The following PLCB4 variants were observed in gnomAD, a reference collection of about 807,000 sequenced individuals.
The protein encoded by PLCB4 is phospholipase C beta 4.
Under a neutral mutation model 178.8 loss-of-function variants are expected in PLCB4, and 77 were observed. The observed-to-expected ratio is 0.43, with a 90% CI of 0.36 to 0.52. PLCB4 has a LOEUF of 0.52. Among genes scored for constraint, PLCB4 ranks in the 20% least tolerant of loss-of-function variants. PLCB4 has a pLI of 0.00. For missense variants in PLCB4, 1,024 were observed against 1,453.4 expected (o/e 0.70, Z 4.80); for synonymous variants, 496 against 490.8 (o/e 1.01, Z -0.14).
chr20:9,279,663 T>A (rs2094477440), intron 3 of PLCB4, among the ~76,000 whole-genome samples: 2 of 152,156 alleles, frequency 1.3e-5, no homozygotes, highest in South Asian at 4.2e-4. Context: ...TTGAAGATTA[T>A]TTTTTAAATC....
chr20:9,191,060 G>A (rs890847463), intron 2 of PLCB4, among the ~76,000 whole-genome samples: 4 of 152,184 alleles, frequency 2.6e-5, no homozygotes, highest in Non-Finnish European at 5.9e-5. Context: ...TTCATGAAAT[G>A]CAGTTCTGCT....
chr20:9,075,517 G>T (rs1031087710), intron 1 of PLCB4, among the ~76,000 whole-genome samples: 9 of 152,216 alleles, frequency 5.9e-5, no homozygotes, highest in Admixed American at 2.0e-4. Flanking sequence ...TGGAAGGCCG[G>T]TTTTTACCTG....
chr20:9,253,420 G>A lies in PLCB4; in HGVS notation c.-16+35968G>A, dbSNP rs6108274. 5.0e-3 allele frequency among the ~76,000 whole-genome samples: 768 copies of A among 152,246 alleles called. 7 individuals carry two copies. The highest frequency in any genetic ancestry group is 0.018 in the African/African-American group (735 of 41,552). ...CAAGGTAGGGCTCCTGCTCTGTGCTGATACCTACTCAGACCCAATCTGGAA... is the reference window on the plus strand; with the variant it reads ...CAAGGTAGGGCTCCTGCTCTGTGCTAATACCTACTCAGACCCAATCTGGAA... On this transcript the variant is annotated intron_variant, in intron 3 of 39. Coordinates refer to ENST00000378473, the MANE Select transcript of PLCB4 (RefSeq NM_001377142.1).
At chr20:9,105,543 G>T (rs967195099) in intron 2 of PLCB4, among the ~76,000 whole-genome samples, 2 of 151,976 alleles carry the variant, frequency 1.3e-5, no homozygotes, top group African/African-American at 4.8e-5. Context: ...CTTATGAGGG[G>T]CACTTGGCAT....
At chr20:9,242,680 G>A (rs996646159) in intron 3 of PLCB4, among the ~76,000 whole-genome samples, 1 of 152,178 alleles carries the variant, frequency 6.6e-6, no homozygotes, top group Non-Finnish European at 1.5e-5. Context: ...GATTGGAGGT[G>A]CCTCTTTCTT....
chr20:9,387,546 T>C lies in PLCB4; in HGVS notation c.1148T>C (p.Ile383Thr). The C allele has an allele frequency of 6.6e-7, 1 of 1,522,784 alleles. No individual in the cohort carries two copies. The highest frequency in any genetic ancestry group is 9.0e-7 in the Non-Finnish European group (1 of 1,106,756). The allele number at this position is 1,522,784 out of a possible 1,614,324, so 94.3% of individuals were successfully genotyped here. ...ITHGKAMCTDILFKDVIQAIK... is the reference protein window; with the variant it reads ...ITHGKAMCTDTLFKDVIQAIK... ...CATGGAAAAGCAATGTGTACAGATA[T>C]CCTTTTTAAGGTAACTTTAAAAATA... is the stretch of plus-strand genomic sequence containing the variant. Residue 383 changes from isoleucine (I) to threonine (T), a missense_variant, in exon 15 of 40, where the codon ATC (isoleucine) becomes ACC (threonine). Transcript: ENST00000378473.
intron 14 of PLCB4, among the ~76,000 whole-genome samples, 158 bp downstream of exon 14, chr20:9,384,569 GA>G (rs138217805): frequency 0.011 from 1,694 of 152,238 alleles, 33 homozygotes; most frequent in African/African-American, 0.039. Flanking sequence ...AGAAAAGAAG[GA>G]CAGTATCTCT....
intron 7 of PLCB4, among the ~76,000 whole-genome samples, chr20:9,353,996 A>G (rs1345119877): frequency 6.6e-6 from 1 of 152,210 alleles, no homozygotes; most frequent in Non-Finnish European, 1.5e-5. Context: ...GACCAGAACT[A>G]TCTCAAGCAG....
chr20:9,344,225 G>A (rs919289427), intron 7 of PLCB4, among the ~76,000 whole-genome samples: 1 of 151,974 alleles, frequency 6.6e-6, no homozygotes, highest in Admixed American at 6.6e-5. Context: ...CCTTCTGTCT[G>A]TATCGTGCTC....
chr20:9,201,836 C>T (rs2093550800), intron 2 of PLCB4, among the ~76,000 whole-genome samples: 2 of 152,128 alleles, frequency 1.3e-5, no homozygotes, highest in Non-Finnish European at 2.9e-5. Flanking sequence ...CAGTTTCTTA[C>T]AGTGTTAAAC....
At position 9,423,957 on chromosome 20, in the gene PLCB4, G is replaced by T; in HGVS notation, c.2524+5G>T. 6.4e-7 allele frequency: 1 copy of T among 1,572,350 alleles called. No homozygotes were observed. Among genetic ancestry groups the T allele is most frequent in the Non-Finnish European group, 8.7e-7 (1 of 1,144,314 alleles). ...ATGTGCCTGATGGATTTGGAGGTAA[G>T]ATAAACATTTGGGTACGGAATATGA... On this transcript the variant is annotated splice_donor_5th_base_variant and intron_variant, in intron 28 of 39. Transcript: ENST00000378473.
chr20:9,283,770 G>C (rs2094514423), intron 3 of PLCB4, among the ~76,000 whole-genome samples: 1 of 151,946 alleles, frequency 6.6e-6, no homozygotes, highest in African/African-American at 2.4e-5. Context: ...CAGGGACACA[G>C]TGAAATAATA....
At chr20:9,387,391 G>A in intron 14 of PLCB4, 72 bp from the exon 15 acceptor site, 1 of 739,318 alleles carries the variant, frequency 1.4e-6, no homozygotes, top group Non-Finnish European at 2.3e-6. Flanking sequence ...TTATTTTGAT[G>A]TCTTTCTTTT....
At chr20:9,436,929 A>G in intron 29 of PLCB4, 73 bp from the exon 30 acceptor site, 1 of 1,414,970 alleles carries the variant, frequency 7.1e-7, no homozygotes, top group Non-Finnish European at 9.8e-7. Context: ...TGGATTCAGT[A>G]AAATAAAGAA....
rs140773788 is a variant in PLCB4 at position 9,395,536 on chromosome 20, T to C, written c.1428T>C (p.Ala476=). 303 of 1,613,498 alleles carry C rather than the reference T, an allele frequency of 1.9e-4. 2 individuals are homozygous for C. In the African/African-American group the frequency reaches 3.8e-3, roughly 20 times the overall value. ...KPEVEKKQLE[A]LRSMMEAGES... ...TTTTGCTAACAGAACAGCTGGAAGCTTTGAGAAGCATGATGGAAGCTGGAG... is the reference window on the plus strand; with the variant it reads ...TTTTGCTAACAGAACAGCTGGAAGCCTTGAGAAGCATGATGGAAGCTGGAG... Residue 476 remains alanine (A), a synonymous_variant, in exon 19 of 40, where the codon GCT becomes GCC. Coordinates refer to ENST00000378473, the MANE Select transcript of PLCB4 (RefSeq NM_001377142.1).
chr20:9,444,309 A>T, intron 32 of PLCB4, 66 bp downstream of exon 32: 1 of 936,862 alleles, frequency 1.1e-6, no homozygotes, highest in South Asian at 1.4e-5. Flanking sequence ...CAAAAACACT[A>T]CTTTGAAGCT....
rs1460144224 is a variant in PLCB4, at chr20:9,466,595, C to G, written c.3249-1976C>G. On this transcript the variant is annotated intron_variant, in intron 35 of 39. Transcript: ENST00000378473. ...CTCAAACAAATTTACAAGAAAAAAA[C>G]AACCCCATCAAAAAGTAGGCAAAGG... is the stretch of plus-strand genomic sequence containing the variant. Among the ~76,000 whole-genome samples the G allele has an allele frequency of 5.9e-5, 9 of 152,230 alleles. No homozygotes were observed. The South Asian group carries it at 6.2e-4, about 11-fold the overall frequency.
intron 2 of PLCB4, among the ~76,000 whole-genome samples, chr20:9,207,047 C>T (rs548907045): frequency 3.3e-5 from 5 of 152,120 alleles, no homozygotes; most frequent in East Asian, 1.9e-4. Flanking sequence ...ACCCGGGAGG[C>T]GGAGTTTGCA....
intron 19 of PLCB4, among the ~76,000 whole-genome samples, chr20:9,397,183 A>G (rs2038658721): frequency 6.6e-6 from 1 of 152,228 alleles, no homozygotes; most frequent in Non-Finnish European, 1.5e-5. Flanking sequence ...TGCTCACAGT[A>G]TCTTTACCTG....
Sources: gnomAD v4.1 joint callset for allele counts (sites outside exome capture counted in the v4.1 genomes callset) on GRCh38, gnomAD v4.1.1 for gene constraint, MANE v1.5 for transcripts, NCBI Gene and HGNC (gene_info 2026-07-23, HGNC 2026-07-21) for gene names.